AFAP1L2: variants seen among roughly 807,000 people sequenced by gnomAD.
AFAP1L2 encodes actin filament associated protein 1 like 2.
Under a neutral mutation model 99.3 loss-of-function variants are expected in AFAP1L2, and 46 were observed. That is an observed-to-expected ratio of 0.46 (90% CI 0.37 to 0.59). The LOEUF (loss-of-function observed/expected upper bound fraction) is 0.59, where lower values mean the gene tolerates loss of function less well. Ranked by LOEUF, AFAP1L2 falls within the 20% of genes least tolerant of loss-of-function variation. The pLI is 0.00. For missense variants in AFAP1L2, 959 were observed against 1,034.9 expected (o/e 0.93, Z 1.01); for synonymous variants, 397 against 419.1 (o/e 0.95, Z 0.64).
the AFAP1L2 span, chr10:114,285,996 C>A: frequency 2.7e-5 from 43 of 1,613,480 alleles, no homozygotes; most frequent in Non-Finnish European, 3.5e-5. Context: ...GACAGCTCTG[C>A]GGGCACCACT....
At chr10:114,382,590 T>TC (rs61240618) in intron 1 of AFAP1L2, among the ~76,000 whole-genome samples, 22,532 of 121,360 alleles carry the variant, frequency 0.19, 2,922 homozygotes, top group Non-Finnish European at 0.23. Context: ...TTTCTTCTCT[T>TC]TTTTTTTTTT....
intron 5 of AFAP1L2, 78 bp from the exon 6 acceptor site, chr10:114,315,843 A>C (rs1413107394): frequency 1.6e-5 from 23 of 1,396,978 alleles, no homozygotes; most frequent in Non-Finnish European, 2.2e-5. Flanking sequence ...GGAGGGCAGC[A>C]GGCAGGAGCA....
At chr10:114,291,992 C>T (rs999030211), downstream of AFAP1L2, among the ~76,000 whole-genome samples, 10 of 152,102 alleles carry the variant, frequency 6.6e-5, no homozygotes, top group African/African-American at 2.4e-4. Flanking sequence ...TCAAAAGAGG[C>T]TGCGGCCAGA....
At chr10:114,309,813 T>C (rs590124) in intron 8 of AFAP1L2, among the ~76,000 whole-genome samples, 137,965 of 152,202 alleles carry the variant, frequency 0.91, 62,663 homozygotes, top group East Asian at 0.97. Flanking sequence ...TGTCTCCCCA[T>C]TCGCCCACCC....
intron 2 of AFAP1L2, among the ~76,000 whole-genome samples, chr10:114,334,146 C>A (rs928225232): frequency 3.3e-5 from 5 of 152,172 alleles, no homozygotes; most frequent in Non-Finnish European, 5.9e-5. Flanking sequence ...CCTGCTCTAC[C>A]CTATAGATTA....
At chr10:114,312,124 G>C (rs1258824034) in intron 7 of AFAP1L2, among the ~76,000 whole-genome samples, 1 of 152,142 alleles carries the variant, frequency 6.6e-6, no homozygotes, top group Non-Finnish European at 1.5e-5. Context: ...GGGGCCAGGG[G>C]CCTCAGGAAG....
Position 114,304,905 on chromosome 10 carries a change from G to C in AFAP1L2, c.1098C>G (p.Ser366Arg). The C allele has an allele frequency of 1.2e-6, 2 of 1,613,226 alleles. No homozygotes were observed. The highest frequency in any genetic ancestry group is 3.3e-5 in the Admixed American group (2 of 60,008). Residue 366 changes from serine to arginine, a missense_variant, in exon 11 of 19, where the codon AGC becomes AGG. Around this residue, in one of 2 missense-constraint regions of AFAP1L2, gnomAD observed 383 missense variants for 472.8 expected, o/e 0.81. Coordinates refer to ENST00000304129, the MANE Select transcript of AFAP1L2 (RefSeq NM_001001936.3). Reference sequence around the variant, plus strand: ...CAGAGCACCAGCGAGACTTCCACTGGCTGTTCACCAGCACGTTCAGGTAAC... The same window carrying C: ...CAGAGCACCAGCGAGACTTCCACTGCCTGTTCACCAGCACGTTCAGGTAAC... ...TSSYLNVLVN[S>R]QWKSRWCSVR...
chr10:114,387,991 C>T (rs944842338), intron 1 of AFAP1L2, among the ~76,000 whole-genome samples: 2 of 152,136 alleles, frequency 1.3e-5, no homozygotes, highest in African/African-American at 4.8e-5. Context: ...ATCCCAGCGC[C>T]CCCTTCAGTG....
chr10:114,358,343 TAA>T (rs2051698601), intron 1 of AFAP1L2, among the ~76,000 whole-genome samples: 1 of 152,158 alleles, frequency 6.6e-6, no homozygotes, highest in Non-Finnish European at 1.5e-5. Context: ...TTATTAATAA[TAA>T]AGTCAGCCAA....
intron 1 of AFAP1L2, among the ~76,000 whole-genome samples, chr10:114,351,070 C>T (rs2050400495): frequency 6.6e-6 from 1 of 152,330 alleles, no homozygotes; most frequent in Middle Eastern, 3.4e-3. Context: ...CCACAACCAG[C>T]ACAAACCACT....
intron 5 of AFAP1L2, among the ~76,000 whole-genome samples, chr10:114,316,434 C>T (rs1369564598): frequency 6.6e-6 from 1 of 152,214 alleles, no homozygotes; most frequent in South Asian, 2.1e-4. Flanking sequence ...AGCCCTTCTT[C>T]AAACCTCCAC....
intron 5 of AFAP1L2, among the ~76,000 whole-genome samples, chr10:114,318,759 G>GAAAAAAAGAAA (rs1554894566): frequency 2.5e-5 from 3 of 119,690 alleles, no homozygotes; most frequent in African/African-American, 6.2e-5. Flanking sequence ...AAAAAAAAAA[G>GAAAAAAAGAAA]AACAACAAAT....
At chr10:114,305,266 G>T in intron 10 of AFAP1L2, 1 of 352,286 alleles carries the variant, frequency 2.8e-6, no homozygotes, top group Non-Finnish European at 5.4e-6. Context: ...CGTGGATGTG[G>T]GAGGGCACGC....
At chr10:114,290,582 G>A (rs1157876964), downstream of AFAP1L2, among the ~76,000 whole-genome samples, 1 of 152,214 alleles carries the variant, frequency 6.6e-6, no homozygotes, top group Non-Finnish European at 1.5e-5. Context: ...TAAAACCTCT[G>A]CCCTCATGGA....
In AFAP1L2 at chr10:114,335,341, G is replaced by A. The variant is rs150936009; in HGVS notation, c.146-2046C>T. On this transcript the variant is annotated intron_variant, in intron 2 of 18. Transcript: ENST00000304129. ...AAGAATACAACATATGGCCGGGCAC[G>A]GTGGCTCACATCTGTAATCCCAGCA... Among the ~76,000 whole-genome samples the A allele has an allele frequency of 3.8e-3, 581 of 151,986 alleles. 4 individuals are homozygous for A. Among genetic ancestry groups the A allele is most frequent in the African/African-American group, 0.013 (550 of 41,454 alleles).
chr10:114,392,840 C>T (rs996220331), intron 1 of AFAP1L2, among the ~76,000 whole-genome samples: 8 of 152,176 alleles, frequency 5.3e-5, no homozygotes, highest in Admixed American at 4.6e-4. Context: ...CTCTCCACTC[C>T]AATAGAACAA....
At chr10:114,284,544 T>G in the AFAP1L2 span, among the ~76,000 whole-genome samples, 1 of 152,220 alleles carries the variant, frequency 6.6e-6, no homozygotes, top group South Asian at 2.1e-4. Flanking sequence ...GCACCGCAGC[T>G]CTCTCTCAGT....
intron 1 of AFAP1L2, among the ~76,000 whole-genome samples, chr10:114,372,376 A>C (rs1467260703): frequency 6.6e-6 from 1 of 152,184 alleles, no homozygotes; most frequent in East Asian, 1.9e-4. Context: ...TTTATGGCTC[A>C]GATAAGGGAA....
chr10:114,327,127 A>C (rs2046394904), intron 4 of AFAP1L2, among the ~76,000 whole-genome samples: 1 of 124,446 alleles, frequency 8.0e-6, no homozygotes, highest in Non-Finnish European at 1.7e-5. Flanking sequence ...GATGGTGAAG[A>C]CCGTGAATTT....
Sources: gnomAD v4.1 joint callset for allele counts (sites outside exome capture counted in the v4.1 genomes callset) on GRCh38, gnomAD v4.1.1 for gene constraint, gnomAD v4.1.1 regional missense constraint, MANE v1.5 for transcripts, NCBI Gene and HGNC (gene_info 2026-07-23, HGNC 2026-07-21) for gene names.